Variants in MOCOS observed in about 807,000 individuals in gnomAD.
The protein encoded by MOCOS is human molybdenum cofactor sulfurase.
A neutral mutation model predicts 83.6 loss-of-function variants in MOCOS; 86 were observed. The ratio of observed to expected loss-of-function variants is 1.03; its 90% CI spans 0.86 to 1.23. The LOEUF is 1.23. MOCOS is among the 50% of genes most tolerant of loss of function. MOCOS has a pLI of 0.00. For synonymous variants in MOCOS, 445 were observed against 434.7 expected (o/e 1.02, Z -0.29); for missense variants, 1,120 against 1,126.9 (o/e 0.99, Z 0.09).
At chr18:36,193,051 C>T (rs1411119739) in intron 1 of MOCOS, among the ~76,000 whole-genome samples, 2 of 151,820 alleles carry the variant, frequency 1.3e-5, no homozygotes, top group Non-Finnish European at 2.9e-5. Flanking sequence ...GTGGCTCACG[C>T]CTGTAATCCC....
In MOCOS at chr18:36,271,543, C is replaced by T. The variant is rs796895642; in HGVS notation, c.*2858C>T. ...TTGGTTCTTATCTCCTGGAGTTCAG[C>T]CTTATGTGCTTCTCAAAGTGTATAA... On this transcript the variant is annotated 3_prime_UTR_variant, in exon 15 of 15. Transcript: ENST00000261326. The T allele has an allele frequency of 6.6e-6, 1 of 152,016 alleles. No individual in the cohort carries two copies. The highest frequency in any genetic ancestry group is 2.4e-5 in the African/African-American group (1 of 41,370). 9.4% of individuals were successfully genotyped at this position (152,016 alleles called of 1,614,324 possible). A position where few individuals can be genotyped will look rare whatever the true frequency, so the allele number is the denominator to read the frequency against.
intron 12 of MOCOS, among the ~76,000 whole-genome samples, chr18:36,257,422 C>A (rs1052674775): frequency 3.9e-5 from 6 of 152,140 alleles, no homozygotes; most frequent in African/African-American, 7.2e-5. Flanking sequence ...CCCACTATCC[C>A]CTGTCCCCGA....
At chr18:36,239,227 A>G (rs1169762346) in intron 9 of MOCOS, among the ~76,000 whole-genome samples, 1 of 152,020 alleles carries the variant, frequency 6.6e-6, no homozygotes, top group Non-Finnish European at 1.5e-5. Flanking sequence ...TTCTTCCTAG[A>G]CTTGATGATC....
At position 36,191,621 on chromosome 18, in the gene MOCOS, A is replaced by G. The variant is rs77377840; in HGVS notation, c.143-3636A>G. ...ACCATGCCTGGCTATTTATTTCTAT[A>G]GAGATGGGGTCTCACATGTTGCTTA... On this transcript the variant is annotated intron_variant, in intron 1 of 14. Transcript: ENST00000261326. 9.0e-3 allele frequency among the ~76,000 whole-genome samples: 1,372 copies of G among 152,266 alleles called. 16 individuals carry two copies. The highest frequency in any genetic ancestry group is 0.014 in the Non-Finnish European group (944 of 68,022).
At chr18:36,195,152 G>A in intron 1 of MOCOS, 105 bp from the exon 2 acceptor site, 1 of 930,276 alleles carries the variant, frequency 1.1e-6, no homozygotes, top group Non-Finnish European at 1.8e-6. Context: ...AGAGGCACAA[G>A]TCAGTGGCCT....
chr18:36,230,919 C>T lies in MOCOS; in HGVS notation c.1960+10702C>T, dbSNP rs188742546. On this transcript the variant is annotated intron_variant, in intron 9 of 14. Coordinates refer to ENST00000261326, the MANE Select transcript of MOCOS (RefSeq NM_017947.4). ...ATGATAGTTTTGTACCTTTCTTTTT[C>T]ATTTTTATTTCTGTTAATTTTTGTC... 5.3e-5 allele frequency among the ~76,000 whole-genome samples: 8 copies of T among 152,220 alleles called. 1 individual carries two copies. The East Asian group carries it at 1.5e-3, about 29-fold the overall frequency.
At chr18:36,264,070 G>C (rs1452363554) in intron 13 of MOCOS, among the ~76,000 whole-genome samples, 1 of 152,124 alleles carries the variant, frequency 6.6e-6, no homozygotes, top group Admixed American at 6.5e-5. Context: ...AGTTACTCAG[G>C]AGGCTGAGGT....
chr18:36,262,607 T>G (rs537891911), intron 13 of MOCOS, among the ~76,000 whole-genome samples: 120 of 152,236 alleles, frequency 7.9e-4, no homozygotes, highest in African/African-American at 2.9e-3. Context: ...CAAGCAATCC[T>G]CCTGCCTCAG....
chr18:36,218,627 G>A (rs1331466661), intron 8 of MOCOS, among the ~76,000 whole-genome samples: 2 of 151,824 alleles, frequency 1.3e-5, no homozygotes, highest in African/African-American at 2.4e-5. Context: ...CTATCCTCCC[G>A]CCTCTGCCTC....
intron 9 of MOCOS, among the ~76,000 whole-genome samples, chr18:36,234,574 G>T (rs1415295749): frequency 6.6e-6 from 1 of 152,034 alleles, no homozygotes. Flanking sequence ...GAATAATGAT[G>T]ACGGCATTTT....
chr18:36,220,238 T>C lies in MOCOS; in HGVS notation c.1960+21T>C, dbSNP rs748130329. The C allele has an allele frequency of 2.5e-5, 40 of 1,613,848 alleles. No homozygotes were observed. The South Asian group carries it at 4.4e-4, about 18-fold the overall frequency. The stretch of plus-strand genomic sequence containing the variant: ...CAAAGGTGGGAAAACTGCTTCATTT[T>C]CACAGAGCAGCTCCCAACAGCAGCT... On this transcript the variant is annotated intron_variant, in intron 9 of 14. Coordinates refer to ENST00000261326, the MANE Select transcript of MOCOS (RefSeq NM_017947.4).
intron 4 of MOCOS, among the ~76,000 whole-genome samples, chr18:36,201,293 G>A (rs1196991558): frequency 6.6e-6 from 1 of 152,210 alleles, no homozygotes; most frequent in Non-Finnish European, 1.5e-5. Flanking sequence ...TGGGGAATGA[G>A]TCCCCGCTCC....
rs2091626787 is a variant in MOCOS at position 36,252,762 on chromosome 18, CAT to C, written c.2164+1484_2164+1485del. ...ATAAATAAACCAAATGGCATTTGAC[CAT>C]ATATGGACTGAAAACTGGGTCTAAG... is the stretch of plus-strand genomic sequence containing the variant. On this transcript the variant is annotated intron_variant, in intron 11 of 14. Coordinates refer to ENST00000261326, the MANE Select transcript of MOCOS (RefSeq NM_017947.4). Among the ~76,000 whole-genome samples the C allele has an allele frequency of 7.9e-5, 12 of 152,192 alleles. No homozygotes were observed. The South Asian group carries it at 2.5e-3, about 32-fold the overall frequency.
rs60856965 is a variant in MOCOS, at chr18:36,210,850, C to CAAAAAAAAAAAAAAAAA, written c.1219-2502_1219-2486dup. Among the ~76,000 whole-genome samples the CAAAAAAAAAAAAAAAAA allele has an allele frequency of 3.0e-3, 146 of 48,046 alleles. 14 individuals are homozygous for CAAAAAAAAAAAAAAAAA. The highest frequency in any genetic ancestry group is 3.5e-3 in the Non-Finnish European group (98 of 28,252). The allele number at this position is 48,046 out of a possible 152,430, so 31.5% of individuals were successfully genotyped here. A position where few individuals can be genotyped will look rare whatever the true frequency, so the allele number is the denominator to read the frequency against. On this transcript the variant is annotated intron_variant, in intron 6 of 14. Coordinates refer to ENST00000261326, the MANE Select transcript of MOCOS (RefSeq NM_017947.4). ...TGGGTGACAGAGCAAGACTCTGTCT[C>CAAAAAAAAAAAAAAAAA]AAAAAAAAAAAAAAAAAAAAAAAAA... is the stretch of plus-strand genomic sequence containing the variant.
In MOCOS at chr18:36,256,492, C is replaced by T. The variant is rs185415013; in HGVS notation, c.2165-476C>T. Among the ~76,000 whole-genome samples the T allele has an allele frequency of 1.7e-3, 262 of 152,182 alleles. 2 individuals carry two copies. The highest frequency in any genetic ancestry group is 6.0e-3 in the African/African-American group (248 of 41,514). On this transcript the variant is annotated intron_variant, in intron 11 of 14. Transcript: ENST00000261326. The stretch of plus-strand genomic sequence containing the variant: ...TGAGACAGAGTGTTGCTGTGTCACC[C>T]AGGCTAGAGTGCAGTGGTGTGATCT...
chr18:36,229,003 ACTTTTGT>A (rs1446337862), intron 9 of MOCOS, among the ~76,000 whole-genome samples: 2 of 152,058 alleles, frequency 1.3e-5, no homozygotes, highest in Admixed American at 1.3e-4. Context: ...ATTCTTTAAT[ACTTTTGT>A]CTTTTGACTT....
Position 36,268,745 on chromosome 18 carries a change from C to G in MOCOS, c.*60C>G. 7.2e-7 allele frequency: 1 copy of G among 1,396,726 alleles called. No homozygotes were observed. The highest frequency in any genetic ancestry group is 2.3e-5 in the East Asian group (1 of 43,748). 86.5% of individuals were successfully genotyped at this position (1,396,726 alleles called of 1,614,324 possible). A position where few individuals can be genotyped will look rare whatever the true frequency, so the allele number is the denominator to read the frequency against. Reference sequence around the variant, plus strand: ...TGATCTCTATTATTGTTAAGATCTGCAACTTGGTTCAGTAGAACTTGATGT... The same window carrying G: ...TGATCTCTATTATTGTTAAGATCTGGAACTTGGTTCAGTAGAACTTGATGT... On this transcript the variant is annotated 3_prime_UTR_variant, in exon 15 of 15. Transcript: ENST00000261326.
At chr18:36,258,345 A>T (rs1461642498) in intron 12 of MOCOS, among the ~76,000 whole-genome samples, 2 of 152,206 alleles carry the variant, frequency 1.3e-5, no homozygotes, top group Non-Finnish European at 2.9e-5. Flanking sequence ...GTTAACCATG[A>T]TAGCTTTTGG....
intron 11 of MOCOS, 79 bp downstream of exon 11, chr18:36,251,362 C>T (rs1193044642): frequency 6.5e-6 from 10 of 1,547,964 alleles, no homozygotes; most frequent in Non-Finnish European, 8.0e-6. Context: ...CCATGAACTG[C>T]ACTTACGGGT....
Sources: gnomAD v4.1 joint callset for allele counts (sites outside exome capture counted in the v4.1 genomes callset) on GRCh38, gnomAD v4.1.1 for gene constraint, MANE v1.5 for transcripts, NCBI Gene and HGNC (gene_info 2026-07-23, HGNC 2026-07-21) for gene names.